Variants in E2F5 observed in about 807,000 individuals in gnomAD.
The protein encoded by E2F5 is E2F transcription factor 5, also known as transcription factor E2F5.
A neutral mutation model predicts 39.1 loss-of-function variants in E2F5; 23 were observed. The observed-to-expected ratio is 0.59, with a 90% CI of 0.42 to 0.83. The LOEUF is 0.83. Among genes scored for constraint, E2F5 ranks in the 40% least tolerant of loss-of-function variants. The pLI is 0.00. For synonymous variants in E2F5, 145 were observed against 157.8 expected (o/e 0.92, Z 0.61); for missense variants, 365 against 406.7 (o/e 0.90, Z 0.88).
chr8:85,180,584 T>G (rs1812190056), intron 1 of E2F5, among the ~76,000 whole-genome samples: 1 of 127,634 alleles, frequency 7.8e-6, no homozygotes, highest in East Asian at 2.6e-4. Context: ...GTTTTTTTTT[T>G]TTTTTTTTTT....
intron 1 of E2F5, chr8:85,187,774 A>C (rs1473294332): frequency 6.6e-6 from 1 of 152,154 alleles, no homozygotes; most frequent in Non-Finnish European, 1.5e-5. Context: ...TAATCCACTT[A>C]CGTTCAGGGT....
intron 3 of E2F5, among the ~76,000 whole-genome samples, chr8:85,204,369 G>T (rs538721379): frequency 1.3e-5 from 2 of 152,182 alleles, no homozygotes; most frequent in Non-Finnish European, 2.9e-5. Context: ...CTTAGAAACA[G>T]CATGGGCTCA....
Position 85,177,414 on chromosome 8 carries a change from G to C in E2F5, c.-7G>C. 1.0e-6 allele frequency: 1 copy of C among 988,236 alleles called. No individual in the cohort carries two copies. The highest frequency in any genetic ancestry group is 1.2e-6 in the Non-Finnish European group (1 of 832,854). 61.2% of individuals were successfully genotyped at this position (988,236 alleles called of 1,614,324 possible). On this transcript the variant is annotated 5_prime_UTR_variant, in exon 1 of 8. Coordinates refer to ENST00000416274, the MANE Select transcript of E2F5 (RefSeq NM_001951.4). ...CGGGGGCCCGACCACCGCGGGGCCG[G>C]GACGCGATGGCGGCGGCAGAGCCCG...
intron 6 of E2F5, among the ~76,000 whole-genome samples, chr8:85,211,769 T>C (rs1465402979): frequency 2.7e-5 from 4 of 149,344 alleles, no homozygotes; most frequent in African/African-American, 5.0e-5. Flanking sequence ...TCCCAAGTAG[T>C]TGGGACTATA....
intron 6 of E2F5, among the ~76,000 whole-genome samples, chr8:85,210,162 T>G (rs1043493350): frequency 6.6e-6 from 1 of 152,172 alleles, no homozygotes; most frequent in Non-Finnish European, 1.5e-5. Flanking sequence ...AATATAGACA[T>G]CATATTGCAG....
At chr8:85,186,728 G>T (rs1447375013) in intron 1 of E2F5, among the ~76,000 whole-genome samples, 1 of 145,946 alleles carries the variant, frequency 6.9e-6, no homozygotes, top group Admixed American at 6.9e-5. Context: ...GTGTATATAT[G>T]ATATATATAA....
At chr8:85,194,778 C>T (rs1005698568) in intron 1 of E2F5, among the ~76,000 whole-genome samples, 29 of 151,104 alleles carry the variant, frequency 1.9e-4, no homozygotes, top group African/African-American at 6.8e-4. Flanking sequence ...CATGATCCAC[C>T]CTCCTCGGCC....
intron 1 of E2F5, among the ~76,000 whole-genome samples, chr8:85,199,209 C>T (rs1812641489): frequency 1.3e-5 from 2 of 152,008 alleles, no homozygotes; most frequent in Non-Finnish European, 2.9e-5. Flanking sequence ...CCTGCCTCTC[C>T]TTGAAGAAGC....
intron 1 of E2F5, among the ~76,000 whole-genome samples, chr8:85,181,713 A>G (rs1481261754): frequency 1.3e-5 from 2 of 150,232 alleles, no homozygotes; most frequent in African/African-American, 2.4e-5. Flanking sequence ...TAATCCCAGC[A>G]CTTTGAGAGG....
intron 1 of E2F5, among the ~76,000 whole-genome samples, chr8:85,192,824 G>T (rs1812493469): frequency 6.6e-6 from 1 of 152,194 alleles, no homozygotes; most frequent in Non-Finnish European, 1.5e-5. Context: ...GAAGTAGCAT[G>T]GTATCTCTGA....
intron 3 of E2F5, among the ~76,000 whole-genome samples, chr8:85,204,474 T>C (rs1171892696): frequency 3.8e-5 from 5 of 132,092 alleles, no homozygotes; most frequent in African/African-American, 5.9e-5. Flanking sequence ...TTCTCACTCA[T>C]AGGTGGGAAT....
intron 1 of E2F5, among the ~76,000 whole-genome samples, chr8:85,193,072 TATAC>T (rs776041010): frequency 2.7e-4 from 41 of 152,254 alleles, no homozygotes; most frequent in Non-Finnish European, 1.8e-4. Context: ...TACATACATG[TATAC>T]ATACATACAT....
intron 1 of E2F5, 82 bp downstream of exon 1, chr8:85,177,736 A>G (rs1053161013): frequency 1.7e-6 from 2 of 1,159,710 alleles, no homozygotes; most frequent in African/African-American, 1.6e-5. Flanking sequence ...GCGTGGGTCT[A>G]GCGGCGTGGT....
At chr8:85,209,519 T>C in intron 6 of E2F5, 110 bp downstream of exon 6, 1 of 1,296,136 alleles carries the variant, frequency 7.7e-7, no homozygotes. Context: ...ACTTTTGACA[T>C]TTTGGAATAT....
chr8:85,182,227 A>C (rs1812235209), intron 1 of E2F5, among the ~76,000 whole-genome samples: 1 of 152,202 alleles, frequency 6.6e-6, no homozygotes, highest in Non-Finnish European at 1.5e-5. Context: ...GTTAATAGCT[A>C]ATATACATCA....
chr8:85,194,330 T>G (rs1021755065), intron 1 of E2F5, among the ~76,000 whole-genome samples: 1 of 152,158 alleles, frequency 6.6e-6, no homozygotes, highest in African/African-American at 2.4e-5. Flanking sequence ...TAGTTCATAT[T>G]CACTATAATT....
At chr8:85,190,971 T>C (rs1013390528) in intron 1 of E2F5, among the ~76,000 whole-genome samples, 1 of 152,160 alleles carries the variant, frequency 6.6e-6, no homozygotes, top group African/African-American at 2.4e-5. Flanking sequence ...TGATAGCCTC[T>C]AGAAGCTGGA....
chr8:85,203,268 A>G lies in E2F5; in HGVS notation c.506+13A>G, dbSNP rs188177764. The G allele has an allele frequency of 7.1e-4, 1,116 of 1,579,284 alleles. 14 individuals are homozygous for G. The African/African-American group carries it at 0.014, about 20-fold the overall frequency. ...CCATTAATAATAGATATCCTTTTAA[A>G]TAAGTTATGCATATACATATAGCTT... On this transcript the variant is annotated intron_variant, in intron 3 of 7. Coordinates refer to ENST00000416274, the MANE Select transcript of E2F5 (RefSeq NM_001951.4).
At position 85,213,804 on chromosome 8, in the gene E2F5, A is replaced by G. The variant is rs746878422; in HGVS notation, c.983A>G (p.Asn328Ser). The change falls in exon 8 of 8, where the codon AAT becomes AGT. Residue 328 changes from asparagine (N) to serine (S), a missense_variant. Transcript: ENST00000416274. ...SPTPADDYNF[N>S]LDDNEGVCDL... ...ACCCCGGCAGATGACTACAACTTTAATTTAGATGATAACGAAGGAGTTTGT... is the reference window on the plus strand; with the variant it reads ...ACCCCGGCAGATGACTACAACTTTAGTTTAGATGATAACGAAGGAGTTTGT... 3.1e-6 allele frequency: 5 copies of G among 1,613,438 alleles called. No homozygotes were observed. Among genetic ancestry groups the G allele is most frequent in the Non-Finnish European group, 4.2e-6 (5 of 1,179,640 alleles).
Sources: allele counts gnomAD v4.1 joint callset (sites outside exome capture counted in the v4.1 genomes callset), GRCh38; gene constraint gnomAD v4.1.1; transcripts MANE v1.5; gene names NCBI Gene and HGNC (gene_info 2026-07-23, HGNC 2026-07-21).